SCOC: variants seen among roughly 807,000 people sequenced by gnomAD.
The protein encoded by SCOC is short coiled-coil protein.
In SCOC, 7 loss-of-function variants were observed where a neutral mutation model predicts 9.9. The ratio of observed to expected loss-of-function variants is 0.71; its 90% CI spans 0.40 to 1.33. The LOEUF (loss-of-function observed/expected upper bound fraction) is 1.33. Among genes scored for constraint, SCOC ranks in the 40% most tolerant of loss-of-function variants. The pLI, the probability that SCOC is intolerant of heterozygous loss-of-function variation, is 0.01. For missense variants in SCOC, 66 were observed against 89.7 expected (o/e 0.74, Z 1.07); for synonymous variants, 19 against 28.2 (o/e 0.67, Z 1.03).
At chr4:140,280,116 T>A (rs76640591) in intron 1 of SCOC, among the ~76,000 whole-genome samples, 7,650 of 152,160 alleles carry the variant, frequency 0.05, 653 homozygotes, top group African/African-American at 0.17. Flanking sequence ...GTGTCGTGAT[T>A]TTTTTGTCAG....
chr4:140,263,531 A>C (rs1730674461), intron 1 of SCOC, among the ~76,000 whole-genome samples: 1 of 152,120 alleles, frequency 6.6e-6, no homozygotes, highest in Non-Finnish European at 1.5e-5. Flanking sequence ...TTGAGATGAC[A>C]CCGGGAGTGA....
chr4:140,276,755 C>G (rs551056008), intron 1 of SCOC, among the ~76,000 whole-genome samples: 1 of 152,028 alleles, frequency 6.6e-6, no homozygotes, highest in African/African-American at 2.4e-5. Flanking sequence ...CCTCGGCCAG[C>G]CACTCTCCCA....
In SCOC at chr4:140,381,143, T is replaced by C; in HGVS notation, c.*39T>C. 1 of 1,541,884 alleles carries C rather than the reference T, an allele frequency of 6.5e-7. No individual in the cohort carries two copies. The highest frequency in any genetic ancestry group is 8.7e-7 in the Non-Finnish European group (1 of 1,154,874). ...TTCTGTTTTATGGAATTGCTGCTGATCATTTTTTCTTTAAAACTTGGATAG... is the reference window on the plus strand; with the variant it reads ...TTCTGTTTTATGGAATTGCTGCTGACCATTTTTTCTTTAAAACTTGGATAG... On this transcript the variant is annotated 3_prime_UTR_variant, in exon 4 of 4. Transcript: ENST00000608372.
rs371802766 is a variant in SCOC at position 140,311,638 on chromosome 4, C to T, written c.-18-31983C>T. Among the ~76,000 whole-genome samples, 71 of 152,260 alleles carry T rather than the reference C, an allele frequency of 4.7e-4. No homozygotes were observed. In the Middle Eastern group the frequency reaches 0.01, roughly 22 times the overall value. ...AAGCCTGGATGTGTGTTGATATCAG[C>T]ACAGTGGTGTGGGGAACAGGGGTGC... On this transcript the variant is annotated intron_variant, in intron 1 of 4. Coordinates refer to the SCOC transcript ENST00000394205.
intron 1 of SCOC, among the ~76,000 whole-genome samples, chr4:140,300,719 C>T (rs545058389): frequency 1.3e-5 from 2 of 152,360 alleles, no homozygotes; most frequent in African/African-American, 4.8e-5. Context: ...GGGAATCCTT[C>T]TGAGACAGAA....
rs555153528 is a variant in SCOC at position 140,361,581 on chromosome 4, C to T, written c.71-17540C>T. 5.3e-5 allele frequency among the ~76,000 whole-genome samples: 8 copies of T among 152,230 alleles called. No individual in the cohort carries two copies. The South Asian group carries it at 1.7e-3, about 32-fold the overall frequency. ...GGCTGAGGCAAGAGAATCACTTGAG[C>T]CCAGGAAGTTGAGGCTGCAGTGAGC... On this transcript the variant is annotated intron_variant, in intron 2 of 4. Coordinates refer to the SCOC transcript ENST00000338517.
intron 1 of SCOC, among the ~76,000 whole-genome samples, chr4:140,272,422 G>A (rs1730867155): frequency 1.3e-5 from 2 of 152,008 alleles, no homozygotes; most frequent in South Asian, 2.1e-4. Context: ...CACATTACTG[G>A]GCCCTACCCC....
Position 140,274,085 on chromosome 4 carries a change from G to A in SCOC, c.-19+16675G>A, listed in dbSNP as rs1730923347. On this transcript the variant is annotated intron_variant, in intron 1 of 4. Coordinates refer to the SCOC transcript ENST00000394205. The stretch of plus-strand genomic sequence containing the variant: ...TATGTGTTTTAGAAAGAAACTCGTT[G>A]TACATTTAAAATCATAGGGAAAAGA... Among the ~76,000 whole-genome samples, 4 of 152,290 alleles carry A rather than the reference G, an allele frequency of 2.6e-5. No homozygotes were observed. In the South Asian group the frequency reaches 8.3e-4, roughly 32 times the overall value.
intron 1 of SCOC, among the ~76,000 whole-genome samples, chr4:140,377,748 T>C (rs1382963888): frequency 6.6e-6 from 1 of 152,216 alleles, no homozygotes; most frequent in Non-Finnish European, 1.5e-5. Context: ...TATTAACAGC[T>C]GTGAGAGAAT....
chr4:140,269,151 CA>C (rs920036132), intron 1 of SCOC, among the ~76,000 whole-genome samples: 3 of 152,296 alleles, frequency 2.0e-5, no homozygotes, highest in Non-Finnish European at 4.4e-5. Context: ...CACAGGGCTG[CA>C]ACCACACATT....
chr4:140,304,957 C>A (rs1731924362), intron 1 of SCOC, among the ~76,000 whole-genome samples: 1 of 152,164 alleles, frequency 6.6e-6, no homozygotes, highest in African/African-American at 2.4e-5. Context: ...TTGTCCACTG[C>A]TGTGCTATTA....
chr4:140,375,391 A>G (rs1206178669), intron 1 of SCOC, among the ~76,000 whole-genome samples: 2 of 152,196 alleles, frequency 1.3e-5, no homozygotes, highest in Non-Finnish European at 2.9e-5. Context: ...GTTATTATCC[A>G]CATTTTACAA....
Position 140,381,729 on chromosome 4 carries a change from A to C in SCOC, c.*625A>C, listed in dbSNP as rs928997015. On this transcript the variant is annotated 3_prime_UTR_variant, in exon 4 of 4. Transcript: ENST00000608372. ...TGTCTCTTTAATTAATTGGAAATAGATGGAGGCTAAAAATGAAGGTTTTTC... is the reference window on the plus strand; with the variant it reads ...TGTCTCTTTAATTAATTGGAAATAGCTGGAGGCTAAAAATGAAGGTTTTTC... The C allele has an allele frequency of 6.6e-6, 1 of 152,346 alleles. No individual in the cohort carries two copies. The highest frequency in any genetic ancestry group is 2.1e-4 in the South Asian group (1 of 4,832). 9.4% of individuals were successfully genotyped at this position (152,346 alleles called of 1,614,324 possible).
chr4:140,368,044 T>C (rs1421706981), intron 2 of SCOC, among the ~76,000 whole-genome samples: 1 of 152,238 alleles, frequency 6.6e-6, no homozygotes, highest in African/African-American at 2.4e-5. Flanking sequence ...GGAAAGTGAC[T>C]AACTCCCTGC....
intron 1 of SCOC, among the ~76,000 whole-genome samples, chr4:140,268,766 A>G (rs535038871): frequency 6.6e-5 from 10 of 152,246 alleles, no homozygotes; most frequent in African/African-American, 2.4e-4. Flanking sequence ...CTGGCTGTTC[A>G]TTCTCCCATC....
intron 1 of SCOC, among the ~76,000 whole-genome samples, chr4:140,310,185 T>A (rs1033259690): frequency 6.6e-6 from 1 of 152,236 alleles, no homozygotes; most frequent in Non-Finnish European, 1.5e-5. Flanking sequence ...AATCCAAATC[T>A]GATTGATCTT....
chr4:140,286,171 G>A (rs549138971), intron 1 of SCOC, among the ~76,000 whole-genome samples: 17 of 150,096 alleles, frequency 1.1e-4, no homozygotes, highest in Admixed American at 2.0e-4. Context: ...GTGACAGAGC[G>A]AGACTCCATC....
chr4:140,258,862 A>G (rs1217566591), intron 1 of SCOC, among the ~76,000 whole-genome samples: 2 of 152,150 alleles, frequency 1.3e-5, no homozygotes, highest in African/African-American at 4.8e-5. Flanking sequence ...CCATGTATCT[A>G]TCTATCAATT....
intron 2 of SCOC, among the ~76,000 whole-genome samples, chr4:140,357,233 C>G (rs1277719243): frequency 2.0e-5 from 3 of 152,184 alleles, no homozygotes; most frequent in Non-Finnish European, 4.4e-5. Context: ...CTCAGCCTCC[C>G]AAAGTGCTGG....
Sources: gnomAD v4.1 joint callset for allele counts (sites outside exome capture counted in the v4.1 genomes callset) on GRCh38, gnomAD v4.1.1 for gene constraint, MANE v1.5 for transcripts, NCBI Gene and HGNC (gene_info 2026-07-23, HGNC 2026-07-21) for gene names.